GPC5: variants seen among roughly 807,000 people sequenced by gnomAD.
The protein encoded by GPC5 is glypican-5.
In GPC5, 47 loss-of-function variants were observed where a neutral mutation model predicts 53.9. That is an observed-to-expected ratio of 0.87 (90% CI 0.69 to 1.11). The LOEUF (loss-of-function observed/expected upper bound fraction) is 1.11. Among genes scored for constraint, GPC5 ranks in the 50% most tolerant of loss-of-function variants. GPC5 has a pLI of 0.00. For missense variants in GPC5, 748 were observed against 713.1 expected (o/e 1.05, Z -0.56); for synonymous variants, 286 against 263.3 (o/e 1.09, Z -0.84).
intron 2 of GPC5, among the ~76,000 whole-genome samples, chr13:91,534,904 A>C (rs1007710625): frequency 2.6e-5 from 4 of 152,098 alleles, no homozygotes. Flanking sequence ...GTTCTTCTTC[A>C]CAGTGTGGCC....
chr13:92,360,097 A>G (rs753188728), intron 7 of GPC5, among the ~76,000 whole-genome samples: 4 of 151,600 alleles, frequency 2.6e-5, no homozygotes, highest in Non-Finnish European at 4.4e-5. Flanking sequence ...CATTTTGTCA[A>G]TTTCTGCTTT....
chr13:92,381,888 A>ATATATCATATATATG (rs1566565284), intron 7 of GPC5, among the ~76,000 whole-genome samples: 7 of 86,088 alleles, frequency 8.1e-5, no homozygotes, highest in African/African-American at 2.7e-4. Flanking sequence ...GATTATATAT[A>ATATATCATATATATG]TTATATATAA....
intron 6 of GPC5, among the ~76,000 whole-genome samples, chr13:91,917,470 G>A (rs1383911767): frequency 6.6e-6 from 1 of 152,150 alleles, no homozygotes; most frequent in Admixed American, 6.5e-5. Context: ...AGCTGTTGGT[G>A]GATCTACCAT....
chr13:91,473,047 T>A (rs905123719), intron 2 of GPC5, among the ~76,000 whole-genome samples: 1 of 152,016 alleles, frequency 6.6e-6, no homozygotes, highest in Admixed American at 6.6e-5. Context: ...AAACTTACGA[T>A]CATGACAGAA....
At chr13:91,689,865 A>G (rs2035718904) in intron 2 of GPC5, among the ~76,000 whole-genome samples, 1 of 152,194 alleles carries the variant, frequency 6.6e-6, no homozygotes, top group Admixed American at 6.6e-5. Flanking sequence ...AATCAGTAGA[A>G]GGAGTGCACT....
At chr13:92,146,331 T>A (rs2041867258) in intron 7 of GPC5, among the ~76,000 whole-genome samples, 1 of 152,104 alleles carries the variant, frequency 6.6e-6, no homozygotes, top group African/African-American at 2.4e-5. Context: ...AAAGACAATG[T>A]ATTTGGGAAT....
chr13:92,531,513 A>T (rs1397905865), intron 7 of GPC5, among the ~76,000 whole-genome samples: 1 of 150,846 alleles, frequency 6.6e-6, no homozygotes, highest in Non-Finnish European at 1.5e-5. Flanking sequence ...ACAGATATAT[A>T]TGTATACATA....
intron 7 of GPC5, among the ~76,000 whole-genome samples, chr13:92,466,955 G>T (rs550276830): frequency 1.3e-5 from 2 of 152,114 alleles, no homozygotes; most frequent in South Asian, 4.1e-4. Flanking sequence ...AATATGAGGT[G>T]CTAATTAAAA....
At chr13:92,491,319 TAAAG>T (rs1190634252) in intron 7 of GPC5, among the ~76,000 whole-genome samples, 6 of 152,112 alleles carry the variant, frequency 3.9e-5, no homozygotes, top group Non-Finnish European at 8.8e-5. Context: ...TAGGGACTAA[TAAAG>T]AAAAGGAAGA....
At chr13:92,093,979 T>C (rs1331644696) in intron 6 of GPC5, among the ~76,000 whole-genome samples, 1 of 152,194 alleles carries the variant, frequency 6.6e-6, no homozygotes, top group African/African-American at 2.4e-5. Context: ...TATAAGTTGA[T>C]TGTGTCAAAT....
At chr13:91,701,986 A>T (rs1386173164) in intron 3 of GPC5, among the ~76,000 whole-genome samples, 1 of 152,116 alleles carries the variant, frequency 6.6e-6, no homozygotes, top group Non-Finnish European at 1.5e-5. Flanking sequence ...GGTAATATCC[A>T]TTCTAACAGA....
At position 92,595,288 on chromosome 13, in the gene GPC5, G is replaced by C. The variant is rs74668141; in HGVS notation, c.1562-270994G>C. The stretch of plus-strand genomic sequence containing the variant: ...CCTATTCTCTCCAGGCCAATGCAGA[G>C]ATCAATAAAATCAGCCAGTATTCTG... On this transcript the variant is annotated intron_variant, in intron 7 of 7. Coordinates refer to ENST00000377067, the MANE Select transcript of GPC5 (RefSeq NM_004466.6). 8.2e-3 allele frequency among the ~76,000 whole-genome samples: 1,251 copies of C among 152,238 alleles called. 17 individuals carry two copies. Among genetic ancestry groups the C allele is most frequent in the African/African-American group, 0.028 (1,165 of 41,546 alleles).
chr13:91,602,272 A>G (rs1228884219), intron 2 of GPC5, among the ~76,000 whole-genome samples: 1 of 152,234 alleles, frequency 6.6e-6, no homozygotes, highest in African/African-American at 2.4e-5. Context: ...GTCCTTTTAG[A>G]TAAAAGTGAA....
chr13:92,444,684 G>A lies in GPC5; in HGVS notation c.1561+299695G>A, dbSNP rs74411768. Among the ~76,000 whole-genome samples, 946 of 127,164 alleles carry A rather than the reference G, an allele frequency of 7.4e-3. 13 individuals carry two copies. Among genetic ancestry groups the A allele is most frequent in the African/African-American group, 0.026 (886 of 33,728 alleles). 83.4% of individuals were successfully genotyped at this position (127,164 alleles called of 152,430 possible). On this transcript the variant is annotated intron_variant, in intron 7 of 7. Transcript: ENST00000377067. ...ATGGCCCTCTAGTGAGTACACAGAG[G>A]AAGAAAAGAGAAGAGTGGATTCCTG...
intron 6 of GPC5, among the ~76,000 whole-genome samples, chr13:92,033,023 G>A (rs1165820803): frequency 7.1e-6 from 1 of 141,140 alleles, no homozygotes; most frequent in African/African-American, 2.7e-5. Flanking sequence ...CTTCTGCCCG[G>A]GCTAGTTATT....
At chr13:92,092,673 G>C (rs951782777) in intron 6 of GPC5, among the ~76,000 whole-genome samples, 1 of 151,980 alleles carries the variant, frequency 6.6e-6, no homozygotes, top group African/African-American at 2.4e-5. Flanking sequence ...CTCCAGAATT[G>C]ACTTTATGAA....
chr13:91,854,654 CA>C (rs1467898630), intron 5 of GPC5, among the ~76,000 whole-genome samples: 1 of 151,584 alleles, frequency 6.6e-6, no homozygotes, highest in Non-Finnish European at 1.5e-5. Flanking sequence ...CCAGGAAAAG[CA>C]AAAACAAGCA....
intron 5 of GPC5, among the ~76,000 whole-genome samples, chr13:91,824,616 A>G (rs990261615): frequency 6.6e-6 from 1 of 152,076 alleles, no homozygotes. Context: ...AAAATGTGTG[A>G]AAGTAAAATA....
intron 7 of GPC5, among the ~76,000 whole-genome samples, chr13:92,833,961 A>G (rs1878138410): frequency 6.6e-6 from 1 of 152,248 alleles, no homozygotes; most frequent in Non-Finnish European, 1.5e-5. Context: ...AATAGAACTC[A>G]CTGAAGGATG....
Sources: allele counts gnomAD v4.1 joint callset (sites outside exome capture counted in the v4.1 genomes callset), GRCh38; gene constraint gnomAD v4.1.1; transcripts MANE v1.5; gene names NCBI Gene and HGNC (gene_info 2026-07-23, HGNC 2026-07-21).